The following CROT variants were observed in gnomAD, a reference collection of about 807,000 sequenced individuals.
The protein encoded by CROT is carnitine O-octanoyltransferase.
In CROT, 84 loss-of-function variants were observed where a neutral mutation model predicts 89.2. The observed-to-expected ratio is 0.94, with a 90% CI of 0.79 to 1.13. The LOEUF (loss-of-function observed/expected upper bound fraction) is 1.13, where lower values mean the gene tolerates loss of function less well. Among genes scored for constraint, CROT ranks in the 50% most tolerant of loss-of-function variants. The pLI is 0.00. For synonymous variants in CROT, 212 were observed against 239.5 expected (o/e 0.89, Z 1.06); for missense variants, 711 against 727.8 (o/e 0.98, Z 0.27).
At chr7:87,377,212 G>A in intron 9 of CROT, 137 bp from the exon 10 acceptor site, 1 of 548,860 alleles carries the variant, frequency 1.8e-6, no homozygotes, top group Non-Finnish European at 3.2e-6. Context: ...CAGTGTTGCT[G>A]ATCATAACTA....
At chr7:87,387,299 T>C (rs991918963) in intron 13 of CROT, among the ~76,000 whole-genome samples, 18 of 152,254 alleles carry the variant, frequency 1.2e-4, no homozygotes, top group African/African-American at 4.3e-4. Context: ...TTTAAATATG[T>C]TATTTAGATA....
chr7:87,346,624 A>G (rs1805686878), intron 2 of CROT, among the ~76,000 whole-genome samples, 194 bp downstream of exon 2: 1 of 152,192 alleles, frequency 6.6e-6, no homozygotes, highest in Non-Finnish European at 1.5e-5. Flanking sequence ...GAATCCAATA[A>G]TTTATATTTT....
intron 6 of CROT, among the ~76,000 whole-genome samples, chr7:87,367,541 A>T (rs1806484822): frequency 6.6e-6 from 1 of 152,196 alleles, no homozygotes; most frequent in African/African-American, 2.4e-5. Context: ...AAATATACTG[A>T]TTCAAATATT....
At chr7:87,373,843 T>C (rs1420814099) in intron 7 of CROT, among the ~76,000 whole-genome samples, 1 of 152,000 alleles carries the variant, frequency 6.6e-6, no homozygotes, top group Non-Finnish European at 1.5e-5. Flanking sequence ...AAATGGTCAA[T>C]GAAAAAGACT....
chr7:87,388,287 T>C lies in CROT; in HGVS notation c.1302-3302T>C, dbSNP rs1233610886. ...TAAAAAAAAACTACTTTAAATTTCA[T>C]ATGGAACCAAAAAAGAGCCTGTATA... On this transcript the variant is annotated intron_variant, in intron 13 of 17. Transcript: ENST00000331536. Among the ~76,000 whole-genome samples, 34 of 152,070 alleles carry C rather than the reference T, an allele frequency of 2.2e-4. 1 individual carries two copies. Among genetic ancestry groups the C allele is most frequent in the Admixed American group, 2.2e-3 (34 of 15,270 alleles).
chr7:87,375,737 C>T lies in CROT; in HGVS notation c.750+12C>T. On this transcript the variant is annotated intron_variant, in intron 8 of 17. Transcript: ENST00000331536. ...CTCGATGGGCTAAGGTTCTGATTTA[C>T]ACTTTTCTTAACGAAGCTTTTCTCT... 2 of 1,612,784 alleles carry T rather than the reference C, an allele frequency of 1.2e-6. No homozygotes were observed. The highest frequency in any genetic ancestry group is 1.7e-6 in the Non-Finnish European group (2 of 1,179,038).
intron 3 of CROT, among the ~76,000 whole-genome samples, chr7:87,353,892 A>C (rs1805964937): frequency 6.6e-6 from 1 of 152,212 alleles, no homozygotes; most frequent in African/African-American, 2.4e-5. Context: ...ACATTTCAAC[A>C]TGAGATTTGG....
chr7:87,377,763 C>T (rs1040438986), intron 10 of CROT, among the ~76,000 whole-genome samples: 3 of 152,056 alleles, frequency 2.0e-5, no homozygotes, highest in Non-Finnish European at 4.4e-5. Flanking sequence ...TATTATATGG[C>T]ATTATGTATG....
intron 7 of CROT, among the ~76,000 whole-genome samples, chr7:87,375,056 A>AG (rs764493246): frequency 6.6e-6 from 1 of 152,038 alleles, no homozygotes; most frequent in Non-Finnish European, 1.5e-5. Context: ...AATACTGTGG[A>AG]GGGGGAGTAG....
At position 87,377,456 on chromosome 7, in the gene CROT, T is replaced by G; in HGVS notation, c.978+6T>G. The G allele has an allele frequency of 6.6e-7, 1 of 1,515,902 alleles. No homozygotes were observed. The highest frequency in any genetic ancestry group is 9.1e-7 in the Non-Finnish European group (1 of 1,093,768). 93.9% of individuals were successfully genotyped at this position (1,515,902 alleles called of 1,614,324 possible). ...TATTTGGCTGTAATTGTGATGTAAG[T>G]AAACTACTGAAATTTTTCTCTTTTG... On this transcript the variant is annotated splice_donor_region_variant and intron_variant, in intron 10 of 17. Coordinates refer to ENST00000331536, the MANE Select transcript of CROT (RefSeq NM_021151.4).
chr7:87,375,851 T>C lies in CROT; in HGVS notation c.774T>C (p.Leu258=), dbSNP rs150857669. The C allele has an allele frequency of 1.3e-5, 21 of 1,613,612 alleles. No individual in the cohort carries two copies. The African/African-American group carries it at 2.7e-4, about 20-fold the overall frequency. The part of the protein sequence containing the change: ...WAKAREYLIG[L]DPENLALLEK... ...AGGCACGAGAATATCTGATTGGTCT[T>C]GATCCAGAGAACTTGGCTTTGTTAG... is the stretch of plus-strand genomic sequence containing the variant. The change falls in exon 9 of 18, where the codon CTT becomes CTC. Residue 258 remains leucine (L), a synonymous_variant. Coordinates refer to ENST00000331536, the MANE Select transcript of CROT (RefSeq NM_021151.4).
At chr7:87,363,028 T>A (rs1806332726) in intron 6 of CROT, among the ~76,000 whole-genome samples, 1 of 151,960 alleles carries the variant, frequency 6.6e-6, no homozygotes, top group Non-Finnish European at 1.5e-5. Flanking sequence ...ATGGAAAAAA[T>A]GAACAAGATA....
intron 3 of CROT, among the ~76,000 whole-genome samples, chr7:87,357,851 G>C (rs976466207): frequency 2.0e-5 from 3 of 152,154 alleles, no homozygotes; most frequent in African/African-American, 7.2e-5. Context: ...AAACATAACT[G>C]TAATTATCTT....
chr7:87,379,169 T>C (rs565505747), intron 10 of CROT, among the ~76,000 whole-genome samples: 205 of 152,306 alleles, frequency 1.3e-3, no homozygotes, highest in Non-Finnish European at 2.4e-3. Context: ...CTTTGACCTG[T>C]CTGCTGCAGT....
chr7:87,369,465 A>C lies in CROT; in HGVS notation c.637A>C (p.Thr213Pro), dbSNP rs754899469. The change falls in exon 7 of 18, where the codon ACC becomes CCC. Residue 213 changes from threonine (T) to proline (P), a missense_variant. Coordinates refer to ENST00000331536, the MANE Select transcript of CROT (RefSeq NM_021151.4). ...FDVIHEGCLV[T>P]PPELLRQLTY... ...TGTAATACATGAAGGATGTTTGGTC[A>C]CCCCGCCAGAGCTTCTCAGGTTTTC... 1 of 1,611,472 alleles carries C rather than the reference A, an allele frequency of 6.2e-7. No individual in the cohort carries two copies. The highest frequency in any genetic ancestry group is 8.5e-7 in the Non-Finnish European group (1 of 1,178,510).
intron 13 of CROT, among the ~76,000 whole-genome samples, chr7:87,391,249 G>T (rs547759381): frequency 6.6e-6 from 1 of 152,284 alleles, no homozygotes; most frequent in Non-Finnish European, 1.5e-5. Context: ...CACTTGTGCT[G>T]TACTCTCCCC....
intron 10 of CROT, among the ~76,000 whole-genome samples, chr7:87,380,315 A>T (rs1806951436): frequency 6.6e-6 from 1 of 152,294 alleles, no homozygotes; most frequent in South Asian, 2.1e-4. Flanking sequence ...AAGGCTTTGC[A>T]GAGGGTGCAT....
intron 3 of CROT, among the ~76,000 whole-genome samples, chr7:87,356,406 G>A (rs1159735306): frequency 3.9e-5 from 6 of 152,036 alleles, no homozygotes; most frequent in Non-Finnish European, 1.5e-5. Flanking sequence ...TTTCTAACAT[G>A]TACATTTCTT....
chr7:87,375,989 G>T (rs1180426400), intron 9 of CROT, 36 bp downstream of exon 9: 4 of 1,511,536 alleles, frequency 2.6e-6, no homozygotes, highest in African/African-American at 2.8e-5. Flanking sequence ...TTTTATTGCA[G>T]ATTTTTCTGG....
Sources: gnomAD v4.1 joint callset for allele counts (sites outside exome capture counted in the v4.1 genomes callset) on GRCh38, gnomAD v4.1.1 for gene constraint, MANE v1.5 for transcripts, NCBI Gene and HGNC (gene_info 2026-07-23, HGNC 2026-07-21) for gene names.